The following GNB5 variants were observed in gnomAD, a reference collection of about 807,000 sequenced individuals.
GNB5 encodes guanine nucleotide-binding protein subunit beta-5.
In GNB5, 37 loss-of-function variants were observed where a neutral mutation model predicts 55.3. The ratio of observed to expected loss-of-function variants is 0.67; its 90% CI spans 0.51 to 0.88. The LOEUF is 0.88. Among genes scored for constraint, GNB5 ranks in the 40% least tolerant of loss-of-function variants. The probability of loss-of-function intolerance (pLI) is 0.00; values close to 1 mark genes in which losing one functional copy is unlikely to be tolerated. For missense variants in GNB5, 476 were observed against 515.3 expected, an observed-to-expected ratio of 0.92 and a Z score of 0.74; for synonymous variants, 219 against 198.5, an observed-to-expected ratio of 1.10 and a Z score of -0.87.
intron 6 of GNB5, among the ~76,000 whole-genome samples, chr15:52,146,843 A>G (rs2033987857): frequency 6.6e-6 from 1 of 150,638 alleles, no homozygotes; most frequent in Admixed American, 6.6e-5. Flanking sequence ...TCTGCCTCCC[A>G]AAGTACTGGG....
chr15:52,188,235 A>C (rs2034873058), intron 1 of GNB5, among the ~76,000 whole-genome samples: 1 of 152,224 alleles, frequency 6.6e-6, no homozygotes, highest in Non-Finnish European at 1.5e-5. Flanking sequence ...TATGGGCCTT[A>C]AGTCGTATCA....
intron 7 of GNB5, among the ~76,000 whole-genome samples, chr15:52,140,784 C>G (rs2033833569): frequency 6.6e-6 from 1 of 152,186 alleles, no homozygotes; most frequent in Admixed American, 6.5e-5. Flanking sequence ...GTGCACAGCT[C>G]TGAAGCCCGA....
At chr15:52,133,748 T>C (rs929920245) in intron 8 of GNB5, among the ~76,000 whole-genome samples, 1 of 152,226 alleles carries the variant, frequency 6.6e-6, no homozygotes, top group African/African-American at 2.4e-5. Context: ...AGGCAAACCC[T>C]CCTTACCCTC....
intron 6 of GNB5, among the ~76,000 whole-genome samples, chr15:52,142,771 C>CT (rs1349723448): frequency 6.6e-6 from 1 of 151,908 alleles, no homozygotes; most frequent in Non-Finnish European, 1.5e-5. Context: ...CCAAGGGTCC[C>CT]TTCTGCTTTT....
chr15:52,165,252 G>A (rs1192994528), intron 3 of GNB5, among the ~76,000 whole-genome samples: 1 of 152,216 alleles, frequency 6.6e-6, no homozygotes, highest in Non-Finnish European at 1.5e-5. Flanking sequence ...GTACCTGAAA[G>A]ATATGGGGAG....
rs927915538 is a variant in GNB5, at chr15:52,137,807, A to T, written c.628-2051T>A. 5 of 1,269,052 alleles carry T rather than the reference A, an allele frequency of 3.9e-6. No homozygotes were observed. In the African/African-American group the frequency reaches 4.6e-5, roughly 12 times the overall value. 78.6% of individuals were successfully genotyped at this position (1,269,052 alleles called of 1,614,324 possible). On this transcript the variant is annotated intron_variant, in intron 7 of 12. Transcript: ENST00000261837. ...GCCAGCTGGGTACTGACAGCAATGGAGGGGACCTGCAAGGGAGAAGCTCTC... is the reference window on the plus strand; with the variant it reads ...GCCAGCTGGGTACTGACAGCAATGGTGGGGACCTGCAAGGGAGAAGCTCTC...
chr15:52,162,550 A>C (rs926801426), intron 3 of GNB5, among the ~76,000 whole-genome samples: 2 of 152,250 alleles, frequency 1.3e-5, no homozygotes, highest in African/African-American at 2.4e-5. Context: ...AAATGTCTTA[A>C]ATAGCAAAAC....
At chr15:52,129,806 G>T (rs1004875539) in intron 9 of GNB5, among the ~76,000 whole-genome samples, 1 of 152,154 alleles carries the variant, frequency 6.6e-6, no homozygotes, top group Non-Finnish European at 1.5e-5. Flanking sequence ...GAATTCAGTG[G>T]CTAGGCCATA....
At chr15:52,184,723 G>T (rs758076943) in intron 1 of GNB5, 29 bp from the exon 2 acceptor site, 1 of 1,588,538 alleles carries the variant, frequency 6.3e-7, no homozygotes, top group East Asian at 2.2e-5. Flanking sequence ...AAGGGAGGGG[G>T]TGTGAGAAAA....
At position 52,154,086 on chromosome 15, in the gene GNB5, C is replaced by G. The variant is rs1175777871; in HGVS notation, c.239-10G>C. ...TCCGCCACCTGGTGCACTGGAATGA[C>G]AAGGCCATAGTCAGTCCCCTTGCTA... On this transcript the variant is annotated splice_polypyrimidine_tract_variant and intron_variant, in intron 3 of 12. Transcript: ENST00000261837. 1.9e-6 allele frequency: 3 copies of G among 1,613,050 alleles called. No homozygotes were observed. The highest frequency in any genetic ancestry group is 2.5e-6 in the Non-Finnish European group (3 of 1,179,492).
At chr15:52,167,958 T>C (rs2034482460) in intron 3 of GNB5, among the ~76,000 whole-genome samples, 1 of 152,192 alleles carries the variant, frequency 6.6e-6, no homozygotes, top group East Asian at 1.9e-4. Flanking sequence ...CAACATCCCT[T>C]CATGTTAAAA....
rs1945755302 is a variant in GNB5 at position 52,184,570 on chromosome 15, C to T, written c.107G>A (p.Cys36Tyr). ...ACTTACAATTTCTGCACATGTTGAA[C>T]AGTAGCTGAGTTGTTGAGACTTCTT... ...VFKKSQQLSY[C>Y]STCAEIMATE... The change falls in exon 2 of 13, where the codon TGT (cysteine) becomes TAT (tyrosine). Residue 36 changes from cysteine to tyrosine, a missense_variant. Transcript: ENST00000261837. 3 of 1,613,536 alleles carry T rather than the reference C, an allele frequency of 1.9e-6. No individual in the cohort carries two copies. Among genetic ancestry groups the T allele is most frequent in the Non-Finnish European group, 2.5e-6 (3 of 1,179,574 alleles).
At chr15:52,143,852 G>A (rs965091811) in intron 6 of GNB5, 1 of 152,214 alleles carries the variant, frequency 6.6e-6, no homozygotes, top group Non-Finnish European at 1.5e-5. Flanking sequence ...GTCTGGGAAG[G>A]GGAGATGGTA....
At chr15:52,153,609 G>A (rs2034145561) in intron 4 of GNB5, among the ~76,000 whole-genome samples, 1 of 152,018 alleles carries the variant, frequency 6.6e-6, no homozygotes. Context: ...TTGAAAGAAA[G>A]TCATTGACAG....
At chr15:52,129,327 A>C (rs1268610051) in intron 9 of GNB5, among the ~76,000 whole-genome samples, 1 of 152,124 alleles carries the variant, frequency 6.6e-6, no homozygotes, top group Admixed American at 6.5e-5. Flanking sequence ...AGTCCTTTTA[A>C]AACATTATTT....
chr15:52,139,701 G>T, intron 7 of GNB5: 1 of 747,008 alleles, frequency 1.3e-6, no homozygotes, highest in Non-Finnish European at 1.8e-6. Context: ...TGCCTCCAGA[G>T]CCACCCTTGA....
At chr15:52,137,573 G>A (rs558927927) in intron 7 of GNB5, 1 of 1,062,094 alleles carries the variant, frequency 9.4e-7, no homozygotes, top group Non-Finnish European at 1.1e-6. Flanking sequence ...TAGCTTACAA[G>A]TACAAAGGTC....
chr15:52,168,813 T>C (rs552736966), intron 3 of GNB5, among the ~76,000 whole-genome samples: 5 of 151,996 alleles, frequency 3.3e-5, no homozygotes, highest in African/African-American at 7.3e-5. Flanking sequence ...AGAAATAAGA[T>C]TGCACACCTA....
At chr15:52,158,970 C>T (rs2034273585) in intron 3 of GNB5, among the ~76,000 whole-genome samples, 1 of 152,094 alleles carries the variant, frequency 6.6e-6, no homozygotes, top group African/African-American at 2.4e-5. Context: ...TGGGGCACTG[C>T]ACTGGGTCTT....
Sources: gnomAD v4.1 joint callset for allele counts (sites outside exome capture counted in the v4.1 genomes callset) on GRCh38, gnomAD v4.1.1 for gene constraint, MANE v1.5 for transcripts, NCBI Gene and HGNC (gene_info 2026-07-23, HGNC 2026-07-21) for gene names.